Variants in MALRD1 observed in about 807,000 individuals in gnomAD.
The protein encoded by MALRD1 is MAM and LDL-receptor class A domain-containing protein 1.
In MALRD1, 247 loss-of-function variants were observed where a neutral mutation model predicts 242.1. That is an observed-to-expected ratio of 1.02 (90% CI 0.92 to 1.13). The LOEUF (loss-of-function observed/expected upper bound fraction) is 1.13. Among genes scored for constraint, MALRD1 ranks in the 50% most tolerant of loss-of-function variants. MALRD1 has a pLI of 0.00. For missense variants in MALRD1, 2,989 were observed against 2,533.1 expected (o/e 1.18, Z -3.86); for synonymous variants, 995 against 866.6 (o/e 1.15, Z -2.60).
chr10:19,601,976 A>G (rs1175481894), intron 34 of MALRD1, among the ~76,000 whole-genome samples: 12 of 152,160 alleles, frequency 7.9e-5, no homozygotes, highest in East Asian at 3.9e-4. Flanking sequence ...ATATACACAA[A>G]TATATATCAT....
At chr10:19,206,763 T>A (rs1021461364) in intron 17 of MALRD1, among the ~76,000 whole-genome samples, 5 of 152,180 alleles carry the variant, frequency 3.3e-5, no homozygotes, top group Non-Finnish European at 5.9e-5. Flanking sequence ...CTAGGCGTAT[T>A]CCCTTTGGAA....
intron 38 of MALRD1, among the ~76,000 whole-genome samples, chr10:19,704,019 TTGAC>T (rs1250706582): frequency 1.3e-5 from 2 of 152,208 alleles, no homozygotes; most frequent in Non-Finnish European, 2.9e-5. Context: ...GACTGTATCT[TTGAC>T]TGGGGAAACA....
At chr10:19,605,504 G>C (rs1483992872) in intron 34 of MALRD1, among the ~76,000 whole-genome samples, 1 of 106,038 alleles carries the variant, frequency 9.4e-6, no homozygotes, top group Non-Finnish European at 1.9e-5. Flanking sequence ...TTTTTTTTTT[G>C]GTTTATCTGT....
chr10:19,529,546 A>AGAG (rs1554793166), intron 31 of MALRD1, among the ~76,000 whole-genome samples: 1 of 128,614 alleles, frequency 7.8e-6, no homozygotes, highest in African/African-American at 3.4e-5. Context: ...AAAAAACAGG[A>AGAG]GGGGGGGGGA....
chr10:19,329,963 G>C (rs181900875), intron 23 of MALRD1, among the ~76,000 whole-genome samples: 1 of 152,248 alleles, frequency 6.6e-6, no homozygotes, highest in East Asian at 1.9e-4. Flanking sequence ...TGCATTATCT[G>C]ATTTCTTATT....
At chr10:19,653,810 C>G (rs1841003789) in intron 36 of MALRD1, among the ~76,000 whole-genome samples, 1 of 152,100 alleles carries the variant, frequency 6.6e-6, no homozygotes, top group South Asian at 2.1e-4. Context: ...TGATCCATTT[C>G]AGTAATTTTT....
At chr10:19,278,487 A>G (rs529454294) in intron 19 of MALRD1, among the ~76,000 whole-genome samples, 3 of 151,660 alleles carry the variant, frequency 2.0e-5, no homozygotes, top group South Asian at 2.1e-4. Context: ...CCATCCATCT[A>G]TCCATCCATC....
At chr10:19,121,919 G>A (rs1021780076) in intron 5 of MALRD1, among the ~76,000 whole-genome samples, 8 of 152,178 alleles carry the variant, frequency 5.3e-5, no homozygotes, top group African/African-American at 1.4e-4. Flanking sequence ...CTAGGAAAGC[G>A]GAAAAGGAAA....
At chr10:19,269,139 G>A (rs1458057442) in intron 19 of MALRD1, among the ~76,000 whole-genome samples, 1 of 151,874 alleles carries the variant, frequency 6.6e-6, no homozygotes, top group Non-Finnish European at 1.5e-5. Flanking sequence ...GCAATTATAG[G>A]CCAACAAAAC....
At chr10:19,335,724 G>A (rs141775966) in intron 24 of MALRD1, among the ~76,000 whole-genome samples, 3 of 152,050 alleles carry the variant, frequency 2.0e-5, no homozygotes, top group Non-Finnish European at 1.5e-5. Context: ...TGATTAGGTA[G>A]AAATATACCA....
rs1194439446 is a variant in MALRD1, at chr10:19,602,403, T to G, written c.5945-5374T>G. On this transcript the variant is annotated intron_variant, in intron 34 of 39. Coordinates refer to ENST00000454679, the MANE Select transcript of MALRD1 (RefSeq NM_001142308.3). ...ATGTTACCCTTCCTGTGTCCAAGTG[T>G]TCTCATTGTTCAATTCCCATCTATG... 2.7e-5 allele frequency among the ~76,000 whole-genome samples: 4 copies of G among 145,562 alleles called. No individual in the cohort carries two copies. In the Admixed American group the frequency reaches 2.8e-4, roughly 10 times the overall value.
At chr10:19,260,964 A>G (rs142649851) in intron 19 of MALRD1, among the ~76,000 whole-genome samples, 34 of 152,296 alleles carry the variant, frequency 2.2e-4, no homozygotes, top group African/African-American at 8.2e-4. Flanking sequence ...TGAGAATACA[A>G]AATTAAGGAT....
chr10:19,217,911 C>T (rs1443605348), intron 18 of MALRD1, among the ~76,000 whole-genome samples: 1 of 152,138 alleles, frequency 6.6e-6, no homozygotes, highest in Non-Finnish European at 1.5e-5. Flanking sequence ...AGCACCTACA[C>T]CAGTACCTGG....
intron 31 of MALRD1, among the ~76,000 whole-genome samples, chr10:19,521,301 A>C (rs550280779): frequency 7.2e-5 from 11 of 152,158 alleles, no homozygotes; most frequent in Middle Eastern, 3.4e-3. Context: ...TGCTTCCTTT[A>C]ATTTATTTCC....
At chr10:19,447,862 C>T (rs16918805) in intron 28 of MALRD1, among the ~76,000 whole-genome samples, 10,201 of 152,128 alleles carry the variant, frequency 0.067, 1,077 homozygotes, top group African/African-American at 0.23. Flanking sequence ...CAAAAAGATA[C>T]GAAATTCCAT....
chr10:19,465,778 C>T (rs569047094), intron 29 of MALRD1, among the ~76,000 whole-genome samples: 1 of 152,270 alleles, frequency 6.6e-6, no homozygotes, highest in Admixed American at 6.5e-5. Flanking sequence ...AAGCAATCTA[C>T]CTGCTTTGGC....
At chr10:19,048,498 T>C (rs1481349145), upstream of MALRD1, among the ~76,000 whole-genome samples, 2 of 152,214 alleles carry the variant, frequency 1.3e-5, no homozygotes, top group African/African-American at 4.8e-5. Flanking sequence ...GTGTCCACAA[T>C]AATGTTCTAA....
chr10:19,178,755 A>G (rs1326636215), intron 14 of MALRD1, among the ~76,000 whole-genome samples: 2 of 152,146 alleles, frequency 1.3e-5, no homozygotes, highest in Non-Finnish European at 1.5e-5. Context: ...CCTGGTGAGG[A>G]TGCAGGTTGT....
At chr10:19,696,505 C>T (rs1375348600) in intron 38 of MALRD1, among the ~76,000 whole-genome samples, 1 of 152,036 alleles carries the variant, frequency 6.6e-6, no homozygotes, top group Non-Finnish European at 1.5e-5. Flanking sequence ...GATCTTCAGC[C>T]TGCAGTCATG....
Sources: allele counts gnomAD v4.1 joint callset (sites outside exome capture counted in the v4.1 genomes callset), GRCh38; gene constraint gnomAD v4.1.1; transcripts MANE v1.5; gene names NCBI Gene and HGNC (gene_info 2026-07-23, HGNC 2026-07-21).